ELMO1: variants seen among roughly 807,000 people sequenced by gnomAD.
The protein encoded by ELMO1 is engulfment and cell motility protein 1.
A neutral mutation model predicts 98.9 loss-of-function variants in ELMO1; 26 were observed. The observed-to-expected ratio is 0.26, with a 90% CI of 0.19 to 0.36. ELMO1 has a LOEUF of 0.36. ELMO1 is among the 10% of genes least tolerant of loss of function. The pLI is 1.00. For missense variants in ELMO1, 627 were observed against 935.2 expected (o/e 0.67, Z 4.30); for synonymous variants, 346 against 346.0 (o/e 1.00, Z 0.00).
At chr7:37,102,038 C>A (rs997650821) in intron 14 of ELMO1, among the ~76,000 whole-genome samples, 1 of 152,142 alleles carries the variant, frequency 6.6e-6, no homozygotes, top group African/African-American at 2.4e-5. Context: ...TTATCAGTAT[C>A]AATGAGATCT....
chr7:37,149,537 T>G (rs1467973483), intron 13 of ELMO1, among the ~76,000 whole-genome samples: 2 of 152,208 alleles, frequency 1.3e-5, no homozygotes, highest in Non-Finnish European at 1.5e-5. Flanking sequence ...AAATTCAAAT[T>G]TCAGCATCCA....
intron 17 of ELMO1, among the ~76,000 whole-genome samples, chr7:36,891,442 G>A (rs1805540468): frequency 6.6e-6 from 1 of 152,222 alleles, no homozygotes; most frequent in Admixed American, 6.5e-5. Flanking sequence ...GTAGGTATCA[G>A]CTTTATTCCT....
intron 1 of ELMO1, among the ~76,000 whole-genome samples, chr7:37,391,015 CCTT>C: frequency 9.1e-6 from 1 of 110,374 alleles, no homozygotes; most frequent in East Asian, 5.8e-4. Flanking sequence ...TCCCTTCCTT[CCTT>C]CCTTCCTTCC....
chr7:36,857,906 C>T (rs926029130), intron 21 of ELMO1, among the ~76,000 whole-genome samples: 1 of 152,080 alleles, frequency 6.6e-6, no homozygotes, highest in Non-Finnish European at 1.5e-5. Flanking sequence ...ACCAGAATGC[C>T]AGAAAGTTAT....
At chr7:36,890,637 C>T (rs973756491) in intron 17 of ELMO1, among the ~76,000 whole-genome samples, 11 of 152,194 alleles carry the variant, frequency 7.2e-5, no homozygotes, top group Non-Finnish European at 1.3e-4. Flanking sequence ...ATCTCATTTT[C>T]AGTACACTAT....
chr7:37,119,427 T>C (rs1358752912), intron 14 of ELMO1, among the ~76,000 whole-genome samples: 1 of 152,220 alleles, frequency 6.6e-6, no homozygotes, highest in Non-Finnish European at 1.5e-5. Context: ...TTTCTTTAGG[T>C]TGCTGCCTCA....
At chr7:37,161,011 AGTAATAGTATTACT>A (rs1789168146) in intron 13 of ELMO1, among the ~76,000 whole-genome samples, 1 of 152,148 alleles carries the variant, frequency 6.6e-6, no homozygotes, top group African/African-American at 2.4e-5. Context: ...AACACTGGAA[AGTAATAGTATTACT>A]CTCTCACTGG....
intron 16 of ELMO1, among the ~76,000 whole-genome samples, chr7:36,996,179 C>G (rs563755060): frequency 6.6e-6 from 1 of 152,158 alleles, no homozygotes; most frequent in African/African-American, 2.4e-5. Context: ...TTTTTTTCAT[C>G]TTGGTCTTAA....
chr7:37,143,999 C>T (rs1435168421), intron 13 of ELMO1, among the ~76,000 whole-genome samples: 2 of 152,134 alleles, frequency 1.3e-5, no homozygotes, highest in African/African-American at 4.8e-5. Flanking sequence ...GTGTGAGCCA[C>T]CGCGACTGGC....
At chr7:37,357,873 T>C (rs1397468673) in intron 1 of ELMO1, among the ~76,000 whole-genome samples, 3 of 152,210 alleles carry the variant, frequency 2.0e-5, no homozygotes, top group African/African-American at 7.2e-5. Flanking sequence ...CAGTGGGCCA[T>C]GCTTAAGAAC....
chr7:37,357,074 T>C (rs1001704469), intron 1 of ELMO1, among the ~76,000 whole-genome samples: 1 of 152,216 alleles, frequency 6.6e-6, no homozygotes, highest in African/African-American at 2.4e-5. Flanking sequence ...TCCTCAGTCA[T>C]ACTGCCATTA....
chr7:37,139,921 C>T (rs1240839532), intron 13 of ELMO1, among the ~76,000 whole-genome samples: 1 of 152,098 alleles, frequency 6.6e-6, no homozygotes, highest in Non-Finnish European at 1.5e-5. Flanking sequence ...CAAATACTTA[C>T]AGCCAACTGA....
intron 1 of ELMO1, among the ~76,000 whole-genome samples, chr7:37,348,892 G>A (rs79633765): frequency 6.0e-3 from 920 of 152,268 alleles, no homozygotes; most frequent in Non-Finnish European, 0.011. Context: ...TTCCCATATA[G>A]TTTTTTAGTT....
At chr7:37,282,571 T>C (rs1797195816) in intron 4 of ELMO1, among the ~76,000 whole-genome samples, 2 of 152,078 alleles carry the variant, frequency 1.3e-5, no homozygotes, top group Non-Finnish European at 2.9e-5. Flanking sequence ...GATCGACCGT[T>C]AAGGAAGCAT....
chr7:37,441,293 G>T, intron 1 of ELMO1, among the ~76,000 whole-genome samples: 1 of 152,092 alleles, frequency 6.6e-6, no homozygotes, highest in Non-Finnish European at 1.5e-5. Flanking sequence ...TGGTGTTCTG[G>T]ACTACGACAG....
chr7:37,200,086 C>T (rs1792199843), intron 13 of ELMO1, among the ~76,000 whole-genome samples: 1 of 152,030 alleles, frequency 6.6e-6, no homozygotes, highest in African/African-American at 2.4e-5. Context: ...TTTATCCCCC[C>T]ACAGACAGAT....
At chr7:37,082,719 TCAAACAAACAAA>T (rs34913326) in intron 15 of ELMO1, among the ~76,000 whole-genome samples, 6 of 151,078 alleles carry the variant, frequency 4.0e-5, no homozygotes, top group African/African-American at 7.3e-5. Context: ...TGACCCTGTC[TCAAACAAACAAA>T]CAAACAAACA....
chr7:37,099,309 T>C (rs1259050287), intron 14 of ELMO1, among the ~76,000 whole-genome samples: 4 of 152,226 alleles, frequency 2.6e-5, no homozygotes, highest in African/African-American at 9.6e-5. Flanking sequence ...ATTACAATTA[T>C]GAATGCTACT....
At chr7:37,294,697 G>T (rs1797941829) in intron 4 of ELMO1, among the ~76,000 whole-genome samples, 1 of 152,104 alleles carries the variant, frequency 6.6e-6, no homozygotes, top group African/African-American at 2.4e-5. Flanking sequence ...TTATGTCATG[G>T]GATATCATAA....
Sources: allele counts gnomAD v4.1 joint callset (sites outside exome capture counted in the v4.1 genomes callset), GRCh38; gene constraint gnomAD v4.1.1; transcripts MANE v1.5; gene names NCBI Gene and HGNC (gene_info 2026-07-23, HGNC 2026-07-21).